FHOD3: variants seen among roughly 807,000 people sequenced by gnomAD.
FHOD3 encodes FH1/FH2 domain-containing protein 3.
Under a neutral mutation model 173.0 loss-of-function variants are expected in FHOD3, and 90 were observed. The ratio of observed to expected loss-of-function variants is 0.52; its 90% CI spans 0.44 to 0.62. The LOEUF (loss-of-function observed/expected upper bound fraction) is 0.62, where lower values mean the gene tolerates loss of function less well. Among genes scored for constraint, FHOD3 ranks in the 20% least tolerant of loss-of-function variants. The pLI, the probability that FHOD3 is intolerant of heterozygous loss-of-function variation, is 0.00. For missense variants in FHOD3, 1,945 were observed against 2,034.7 expected (o/e 0.96, Z 0.85); for synonymous variants, 828 against 823.0 (o/e 1.01, Z -0.10).
At chr18:36,599,589 G>A (rs917733019) in intron 7 of FHOD3, among the ~76,000 whole-genome samples, 1 of 152,164 alleles carries the variant, frequency 6.6e-6, no homozygotes, top group Admixed American at 6.5e-5. Context: ...TTCTGTTTTC[G>A]TGTTAGACCA....
At chr18:36,733,773 G>C (rs972248970) in intron 20 of FHOD3, among the ~76,000 whole-genome samples, 3 of 152,328 alleles carry the variant, frequency 2.0e-5, no homozygotes, top group African/African-American at 7.2e-5. Context: ...CTGTGGGCCA[G>C]ACACCAGGTA....
chr18:36,673,090 A>G (rs748144131), intron 14 of FHOD3, among the ~76,000 whole-genome samples: 9 of 152,242 alleles, frequency 5.9e-5, no homozygotes, highest in Non-Finnish European at 1.3e-4. Flanking sequence ...TGTCATTGAC[A>G]GAAAATCTCC....
At chr18:36,370,786 T>C (rs192672571) in intron 2 of FHOD3, among the ~76,000 whole-genome samples, 1 of 152,256 alleles carries the variant, frequency 6.6e-6, no homozygotes, top group African/African-American at 2.4e-5. Context: ...TAGGATTTAC[T>C]GTTTCTAATA....
intron 6 of FHOD3, among the ~76,000 whole-genome samples, chr18:36,582,799 C>G (rs993631386): frequency 1.3e-5 from 2 of 152,234 alleles, no homozygotes; most frequent in African/African-American, 4.8e-5. Flanking sequence ...TATATTACAT[C>G]TTTTAGCAGC....
intron 3 of FHOD3, among the ~76,000 whole-genome samples, chr18:36,399,162 T>A (rs1004842163): frequency 1.3e-5 from 2 of 152,096 alleles, no homozygotes; most frequent in Admixed American, 6.5e-5. Flanking sequence ...CATTCCTTGG[T>A]GTTGATAATG....
chr18:36,423,820 G>A (rs2050109840), intron 3 of FHOD3, among the ~76,000 whole-genome samples: 2 of 152,164 alleles, frequency 1.3e-5, no homozygotes, highest in African/African-American at 4.8e-5. Flanking sequence ...AATAAAACAA[G>A]AATCCCTATT....
intron 1 of FHOD3, among the ~76,000 whole-genome samples, chr18:36,313,632 C>A (rs1568109071): frequency 6.6e-6 from 1 of 152,138 alleles, no homozygotes; most frequent in Non-Finnish European, 1.5e-5. Flanking sequence ...GAGCAGTTTC[C>A]CCTGGTATGG....
chr18:36,393,451 C>A (rs1418390176), intron 3 of FHOD3, among the ~76,000 whole-genome samples: 1 of 152,230 alleles, frequency 6.6e-6, no homozygotes, highest in East Asian at 1.9e-4. Flanking sequence ...ATGCCAGTTG[C>A]AATGCCCCTA....
chr18:36,459,379 A>G (rs954651214), intron 3 of FHOD3, among the ~76,000 whole-genome samples: 2 of 152,216 alleles, frequency 1.3e-5, no homozygotes, highest in African/African-American at 4.8e-5. Context: ...TGCAGGAGAG[A>G]GTGATCAATC....
intron 9 of FHOD3, among the ~76,000 whole-genome samples, chr18:36,618,310 G>GTTTTTTTTTTTTTTTTTTTTTT (rs1465774220): frequency 1.2e-5 from 1 of 85,226 alleles, no homozygotes. Context: ...GTTTTTTGGT[G>GTTTTTTTTTTTTTTTTTTTTTT]GTTTTTTTTT....
intron 14 of FHOD3, among the ~76,000 whole-genome samples, chr18:36,659,501 T>C (rs1311310204): frequency 6.6e-6 from 1 of 152,192 alleles, no homozygotes; most frequent in African/African-American, 2.4e-5. Flanking sequence ...ATGTAAGATT[T>C]GGGGCCAAAG....
intron 3 of FHOD3, among the ~76,000 whole-genome samples, chr18:36,467,324 G>C (rs905146058): frequency 6.6e-6 from 1 of 152,192 alleles, no homozygotes; most frequent in Non-Finnish European, 1.5e-5. Flanking sequence ...GAAAGCCATT[G>C]TGTGAAGAAC....
At chr18:36,482,131 T>C (rs1445868609) in intron 3 of FHOD3, among the ~76,000 whole-genome samples, 2 of 152,324 alleles carry the variant, frequency 1.3e-5, no homozygotes, top group East Asian at 1.9e-4. Flanking sequence ...GGGTACTGGT[T>C]CTTTCATTCA....
At chr18:36,448,896 A>G (rs2051657048) in intron 3 of FHOD3, among the ~76,000 whole-genome samples, 1 of 150,832 alleles carries the variant, frequency 6.6e-6, no homozygotes, top group Non-Finnish European at 1.5e-5. Flanking sequence ...CTTGTGACCA[A>G]ACATGCAGCC....
At chr18:36,304,565 T>C (rs1383888250) in intron 1 of FHOD3, among the ~76,000 whole-genome samples, 1 of 152,222 alleles carries the variant, frequency 6.6e-6, no homozygotes, top group Non-Finnish European at 1.5e-5. Flanking sequence ...GATTTTTTTT[T>C]TCATACCTCC....
chr18:36,717,311 G>T (rs2040513159), intron 18 of FHOD3, among the ~76,000 whole-genome samples: 1 of 152,200 alleles, frequency 6.6e-6, no homozygotes, highest in African/African-American at 2.4e-5. Flanking sequence ...GCCCCCTGGA[G>T]ACTAGGGACC....
chr18:36,652,812 C>T lies in FHOD3; in HGVS notation c.1529C>T (p.Pro510Leu), dbSNP rs766637482. 7.2e-6 allele frequency: 11 copies of T among 1,535,882 alleles called. No individual in the cohort carries two copies. The highest frequency in any genetic ancestry group is 2.4e-5 in the South Asian group (2 of 84,052). ...SATPGSLKVS[P>L]TIDKLPYVPH... Reference sequence around the variant, plus strand: ...ACACCAGGCTCCCTGAAGGTGTCACCGACCATAGACAAGCTGCCCTACGTG... The same window carrying T: ...ACACCAGGCTCCCTGAAGGTGTCACTGACCATAGACAAGCTGCCCTACGTG... Residue 510 changes from proline (P) to leucine (L), a missense_variant, in exon 12 of 29, where the codon CCG (proline) becomes CTG (leucine). By Grantham distance (98) the Pro-to-Leu change is moderately conservative. Coordinates refer to ENST00000590592, the MANE Select transcript of FHOD3 (RefSeq NM_001281740.3).
At chr18:36,716,147 T>C (rs543113783) in intron 18 of FHOD3, among the ~76,000 whole-genome samples, 66 of 152,240 alleles carry the variant, frequency 4.3e-4, no homozygotes, top group Non-Finnish European at 7.8e-4. Flanking sequence ...GACATTTTTA[T>C]AAACATCATG....
At chr18:36,650,998 A>G (rs558957025) in intron 11 of FHOD3, among the ~76,000 whole-genome samples, 8 of 152,328 alleles carry the variant, frequency 5.3e-5, no homozygotes, top group African/African-American at 1.7e-4. Flanking sequence ...TGATCTTGGT[A>G]GTACCTAGGT....
Sources: allele counts gnomAD v4.1 joint callset (sites outside exome capture counted in the v4.1 genomes callset), GRCh38; gene constraint gnomAD v4.1.1; transcripts MANE v1.5; gene names NCBI Gene and HGNC (gene_info 2026-07-23, HGNC 2026-07-21).